The following ROGDI variants were observed in gnomAD, a reference collection of about 807,000 sequenced individuals.
ROGDI encodes the protein rogdi atypical leucine zipper.
Under a neutral mutation model 43.1 loss-of-function variants are expected in ROGDI, and 46 were observed. The observed-to-expected ratio is 1.07, with a 90% confidence interval of 0.84 to 1.37. The LOEUF (loss-of-function observed/expected upper bound fraction) is 1.37. Ranked by LOEUF, ROGDI falls within the 40% of genes most tolerant of loss-of-function variation. The pLI is 0.00. For missense variants in ROGDI, 518 were observed against 383.9 expected, an observed-to-expected ratio of 1.35 and a Z score of -2.92; for synonymous variants, 243 against 162.0, an observed-to-expected ratio of 1.50 and a Z score of -3.80.
intron 2 of ROGDI, 138 bp downstream of exon 2, chr16:4,802,244 G>T: frequency 2.5e-6 from 2 of 793,286 alleles, no homozygotes; most frequent in Non-Finnish European, 4.1e-6. Flanking sequence ...TCGAGTTCGC[G>T]GAGGCGGGGC....
rs372599256 is a variant in ROGDI at position 4,797,759 on chromosome 16, G to A, written c.777C>T (p.Val259=). The change falls in exon 10 of 11, where the codon GTC becomes GTT. Residue 259 remains valine (V), a synonymous_variant. Transcript: ENST00000322048. Reference sequence around the variant, plus strand: ...AGAGCTGCAGGGAGACGGTGAAGTAGACCAGGGCGTCGTTGAGCCAGGGGA... The same window carrying A: ...AGAGCTGCAGGGAGACGGTGAAGTAAACCAGGGCGTCGTTGAGCCAGGGGA... The part of the protein sequence containing the change: ...CVIPWLNDAL[V]YFTVSLQLCQ... 6 of 1,585,468 alleles carry A rather than the reference G, an allele frequency of 3.8e-6. No homozygotes were observed. The African/African-American group carries it at 7.4e-5, about 19-fold the overall frequency.
intron 6 of ROGDI, among the ~76,000 whole-genome samples, chr16:4,799,084 G>A (rs997706969): frequency 1.3e-5 from 2 of 152,120 alleles, no homozygotes; most frequent in East Asian, 1.9e-4. Context: ...ACGGCTGATG[G>A]ATGGTGGGAC....
chr16:4,799,407 T>G (rs1340876809), intron 6 of ROGDI, among the ~76,000 whole-genome samples: 2 of 152,084 alleles, frequency 1.3e-5, no homozygotes. Context: ...GGTCAGCTCT[T>G]CACATGTGCC....
At chr16:4,797,567 G>A (rs1464386219) in intron 10 of ROGDI, 66 bp from the exon 11 acceptor site, 7 of 968,258 alleles carry the variant, frequency 7.2e-6, no homozygotes, top group African/African-American at 7.0e-5. Flanking sequence ...AGATGTCAAG[G>A]TCACCCAAGG....
intron 9 of ROGDI, 23 bp from the exon 10 acceptor site, chr16:4,797,863 TGAG>T: frequency 1.2e-6 from 2 of 1,609,380 alleles, no homozygotes; most frequent in Non-Finnish European, 1.7e-6. Context: ...AGAGGGTCCC[TGAG>T]GAGGGTCCCG....
At chr16:4,801,767 C>A (rs1276276282) in intron 2 of ROGDI, 182 bp from the exon 3 acceptor site, 1 of 615,460 alleles carries the variant, frequency 1.6e-6, no homozygotes, top group Non-Finnish European at 2.9e-6. Flanking sequence ...AACCGTGAGC[C>A]CGATCTCTGC....
At position 4,799,713 on chromosome 16, in the gene ROGDI, C is replaced by G; in HGVS notation, c.405G>C (p.Gln135His). Residue 135 changes from glutamine (Q) to histidine (H), a missense_variant, in exon 6 of 11, where the codon CAG becomes CAC. By Grantham distance (24) the Gln-to-His change is conservative. Coordinates refer to ENST00000322048, the MANE Select transcript of ROGDI (RefSeq NM_024589.3). ...YLLTSRDQSY[Q>H]FKTGAEVLKL... ...TGAGGACCTCAGCGCCCGTCTTGAA[C>G]TGGTAGCTCTGGTCCCGGCTGGTAA... The G allele has an allele frequency of 6.2e-7, 1 of 1,613,702 alleles. No individual in the cohort carries two copies. Among genetic ancestry groups the G allele is most frequent in the Non-Finnish European group, 8.5e-7 (1 of 1,179,742 alleles).
rs1343790004 is a variant in ROGDI, at chr16:4,800,532, G to C, written c.302C>G (p.Ala101Gly). Residue 101 changes from alanine (A) to glycine (G), a missense_variant, in exon 5 of 11, where the codon GCC becomes GGC. Transcript: ENST00000322048. ...CTTCCACTGCTTGTCCTCCCGGAAGGCGAAGTGCAGCAGCTGGTTGTTCCG... is the reference window on the plus strand; with the variant it reads ...CTTCCACTGCTTGTCCTCCCGGAAGCCGAAGTGCAGCAGCTGGTTGTTCCG... ...MPRNNQLLHF[A>G]FREDKQWKLQ... The C allele has an allele frequency of 6.4e-7, 1 of 1,563,942 alleles. No homozygotes were observed. Among genetic ancestry groups the C allele is most frequent in the African/African-American group, 1.4e-5 (1 of 73,812 alleles).
rs748119074 is a variant in ROGDI at position 4,801,268 on chromosome 16, G to A, written c.254C>T (p.Ala85Val). Residue 85 changes from alanine (A) to valine (V), a missense_variant and splice_region_variant, in exon 4 of 11, where the codon GCG becomes GTG. Coordinates refer to ENST00000322048, the MANE Select transcript of ROGDI (RefSeq NM_024589.3). ...AGGGGACAGGGCCGGGGGACTCACC[G>A]CCTGGCTGAGGGCATCCCCCTGCAG... is the stretch of plus-strand genomic sequence containing the variant. ...LTLQGDALSQADVNLKMPRNN... is the reference protein window; with the variant it reads ...LTLQGDALSQVDVNLKMPRNN... The A allele has an allele frequency of 3.1e-6, 5 of 1,604,654 alleles. No individual in the cohort carries two copies. Among genetic ancestry groups the A allele is most frequent in the Non-Finnish European group, 4.3e-6 (5 of 1,173,978 alleles).
chr16:4,798,779 T>C, intron 6 of ROGDI, 112 bp from the exon 7 acceptor site: 1 of 889,656 alleles, frequency 1.1e-6, no homozygotes, highest in Non-Finnish European at 1.7e-6. Context: ...TGTTCCCAGG[T>C]CCCGAAACCC....
rs568221664 is a variant in ROGDI, at chr16:4,797,445, T to G, written c.*15A>C. On this transcript the variant is annotated 3_prime_UTR_variant, in exon 11 of 11. Coordinates refer to ENST00000322048, the MANE Select transcript of ROGDI (RefSeq NM_024589.3). ...CGGGGCCGCCTTCCTGGAGACAAGC[T>G]CCTGGGTGCTGTGATCAGAAGGGTC... The G allele has an allele frequency of 3.6e-5, 58 of 1,611,586 alleles. No homozygotes were observed. Among genetic ancestry groups the G allele is most frequent in the Admixed American group, 6.7e-5 (4 of 59,734 alleles).
At chr16:4,798,739 G>A (rs752428457) in intron 6 of ROGDI, 72 bp from the exon 7 acceptor site, 17 of 1,258,932 alleles carry the variant, frequency 1.4e-5, no homozygotes, top group African/African-American at 1.3e-4. Flanking sequence ...AGACATGGTA[G>A]CTCCCACTCC....
At chr16:4,800,871 T>C in intron 4 of ROGDI, 1 of 529,346 alleles carries the variant, frequency 1.9e-6, no homozygotes, top group Non-Finnish European at 3.4e-6. Context: ...ACGGGGTGCA[T>C]CTAGTGTCTA....
chr16:4,802,613 C>A lies in ROGDI; in HGVS notation c.-42G>T. 2 of 1,291,586 alleles carry A rather than the reference C, an allele frequency of 1.5e-6. No homozygotes were observed. Among genetic ancestry groups the A allele is most frequent in the South Asian group, 2.4e-5 (1 of 41,848 alleles). The allele number at this position is 1,291,586 out of a possible 1,614,324, so 80.0% of individuals were successfully genotyped here. ...CGAGCGCCCTCCCCACCGGCCGCTG[C>A]TCCTGTCCACCAATCTTTCTGTCCT... On this transcript the variant is annotated 5_prime_UTR_variant, in exon 1 of 11. Coordinates refer to ENST00000322048, the MANE Select transcript of ROGDI (RefSeq NM_024589.3).
At chr16:4,799,232 G>A (rs892609703) in intron 6 of ROGDI, among the ~76,000 whole-genome samples, 2 of 152,076 alleles carry the variant, frequency 1.3e-5, no homozygotes, top group Admixed American at 6.5e-5. Context: ...AGAGCTGACT[G>A]GGGGTATAGG....
Position 4,799,673 on chromosome 16 carries a change from G to T in ROGDI, c.432+13C>A. The stretch of plus-strand genomic sequence containing the variant: ...GGGACTAGGCCCAGGAGTCAGGCCC[G>T]GGGGCAGCTCACCTTGAGGACCTCA... On this transcript the variant is annotated intron_variant, in intron 6 of 10. Coordinates refer to ENST00000322048, the MANE Select transcript of ROGDI (RefSeq NM_024589.3). The T allele has an allele frequency of 6.3e-7, 1 of 1,599,190 alleles. No homozygotes were observed. The highest frequency in any genetic ancestry group is 8.6e-7 in the Non-Finnish European group (1 of 1,168,372).
intron 2 of ROGDI, 114 bp downstream of exon 2, chr16:4,802,268 C>CGCGGCCCTGCCTGAAAGCA: frequency 1.0e-6 from 1 of 991,878 alleles, no homozygotes; most frequent in Non-Finnish European, 1.5e-6. Context: ...GCCTGAAAGC[C>CGCGGCCCTGCCTGAAAGCA]GCGGCAGCCG....
chr16:4,801,803 C>T lies in ROGDI; in HGVS notation c.118-218G>A, dbSNP rs1011976072. 1.0e-5 allele frequency: 6 copies of T among 601,042 alleles called. No homozygotes were observed. The African/African-American group carries it at 1.1e-4, about 11-fold the overall frequency. The allele number at this position is 601,042 out of a possible 1,614,324, so 37.2% of individuals were successfully genotyped here. A position where few individuals can be genotyped will look rare whatever the true frequency, so the allele number is the denominator to read the frequency against. On this transcript the variant is annotated intron_variant, in intron 2 of 10. Transcript: ENST00000322048. ...TTATACCACATTCCCTGAACACCTC[C>T]TGTGTGCCCGCCTCGGGGAATACAA...
intron 4 of ROGDI, chr16:4,800,986 G>T: frequency 1.9e-6 from 1 of 513,792 alleles, no homozygotes; most frequent in Non-Finnish European, 3.4e-6. Context: ...TGATTCAACT[G>T]TGATGTGTGG....
Sources: gnomAD v4.1 joint callset for allele counts (sites outside exome capture counted in the v4.1 genomes callset) on GRCh38, gnomAD v4.1.1 for gene constraint, MANE v1.5 for transcripts, NCBI Gene and HGNC (gene_info 2026-07-23, HGNC 2026-07-21) for gene names.